KDM4C: variants seen among roughly 807,000 people sequenced by gnomAD.
The protein encoded by KDM4C is lysine-specific demethylase 4C.
KDM4C carries 81 observed loss-of-function variants against 129.3 expected under a neutral mutation model. The ratio of observed to expected loss-of-function variants is 0.63; its 90% CI spans 0.52 to 0.75. KDM4C has a LOEUF of 0.75. Ranked by LOEUF, KDM4C falls within the 30% of genes least tolerant of loss-of-function variation. The pLI is 0.00. For synonymous variants in KDM4C, 573 were observed against 456.1 expected, an observed-to-expected ratio of 1.26 and a Z score of -3.26; for missense variants, 1,457 against 1,304.0, an observed-to-expected ratio of 1.12 and a Z score of -1.81.
chr9:6,789,210 C>G (rs1466916474), intron 1 of KDM4C, among the ~76,000 whole-genome samples: 1 of 135,320 alleles, frequency 7.4e-6, no homozygotes, highest in African/African-American at 2.9e-5. Flanking sequence ...CACCATCACG[C>G]CTGGCTAATT....
At chr9:7,096,430 G>T (rs1357243016) in intron 17 of KDM4C, among the ~76,000 whole-genome samples, 1 of 152,188 alleles carries the variant, frequency 6.6e-6, no homozygotes, top group Non-Finnish European at 1.5e-5. Flanking sequence ...AGGCTGGCTT[G>T]TTTCACCCAC....
intron 17 of KDM4C, among the ~76,000 whole-genome samples, chr9:7,050,313 T>C (rs775858684): frequency 5.9e-5 from 9 of 151,604 alleles, no homozygotes; most frequent in Non-Finnish European, 1.0e-4. Context: ...TAATCTAAGA[T>C]GGAAATGAGT....
chr9:6,812,912 T>A (rs62568861), intron 3 of KDM4C, among the ~76,000 whole-genome samples: 24,046 of 152,158 alleles, frequency 0.16, 2,683 homozygotes, highest in African/African-American at 0.32. Flanking sequence ...GCGGTGGCTC[T>A]CGCCTGTAAA....
At chr9:6,759,545 A>T (rs577290893) in intron 1 of KDM4C, among the ~76,000 whole-genome samples, 1 of 152,294 alleles carries the variant, frequency 6.6e-6, no homozygotes, top group East Asian at 1.9e-4. Flanking sequence ...TTTCAGTGTT[A>T]TGAAAAGTTT....
chr9:6,754,641 G>A (rs1303353573), upstream of KDM4C, among the ~76,000 whole-genome samples: 1 of 151,994 alleles, frequency 6.6e-6, no homozygotes, highest in Non-Finnish European at 1.5e-5. Context: ...TTGGGAGGCT[G>A]AGGCGGGAGG....
intron 18 of KDM4C, among the ~76,000 whole-genome samples, chr9:7,123,051 T>C (rs1839672486): frequency 6.6e-6 from 1 of 152,226 alleles, no homozygotes; most frequent in Non-Finnish European, 1.5e-5. Context: ...TCAGAAATCC[T>C]ATCAAAATAG....
intron 13 of KDM4C, 48 bp from the exon 14 acceptor site, chr9:7,013,740 A>C: frequency 1.9e-6 from 3 of 1,559,844 alleles, no homozygotes; most frequent in Non-Finnish European, 2.6e-6. Flanking sequence ...TAGAATGATG[A>C]GCTCTTTTCC....
intron 12 of KDM4C, 108 bp downstream of exon 12, chr9:6,990,632 AC>A (rs1818578222): frequency 1.5e-6 from 1 of 681,232 alleles, no homozygotes; most frequent in Admixed American, 2.9e-5. Flanking sequence ...AGTAGCAAAT[AC>A]GTACTATTAG....
intron 2 of KDM4C, among the ~76,000 whole-genome samples, chr9:6,796,795 CTT>C (rs1827838398): frequency 6.6e-6 from 1 of 152,166 alleles, no homozygotes; most frequent in South Asian, 2.1e-4. Flanking sequence ...TTTTTGCCAT[CTT>C]TGACGTCAAG....
At chr9:6,979,422 T>G (rs1285287043) in intron 8 of KDM4C, among the ~76,000 whole-genome samples, 1 of 152,144 alleles carries the variant, frequency 6.6e-6, no homozygotes, top group Non-Finnish European at 1.5e-5. Flanking sequence ...AGGAAAATAC[T>G]GAAGTAAATG....
chr9:6,797,363 C>A (rs1188129306), intron 2 of KDM4C, among the ~76,000 whole-genome samples: 1 of 152,190 alleles, frequency 6.6e-6, no homozygotes, highest in Non-Finnish European at 1.5e-5. Context: ...GTAGGTGCAA[C>A]AGTAGTGACT....
intron 12 of KDM4C, among the ~76,000 whole-genome samples, chr9:6,996,541 T>A (rs1166982477): frequency 6.6e-6 from 1 of 152,246 alleles, no homozygotes; most frequent in Non-Finnish European, 1.5e-5. Context: ...TTATTGTGCT[T>A]CCAATCCCCT....
intron 19 of KDM4C, among the ~76,000 whole-genome samples, chr9:7,144,054 T>C (rs1306385719): frequency 6.6e-6 from 1 of 152,214 alleles, no homozygotes; most frequent in East Asian, 1.9e-4. Context: ...TTTGAGGATA[T>C]CCTGAATTAC....
chr9:6,778,963 C>T (rs1279398250), intron 1 of KDM4C, among the ~76,000 whole-genome samples: 2 of 151,380 alleles, frequency 1.3e-5, no homozygotes, highest in Non-Finnish European at 2.9e-5. Context: ...CTCAGGTGAT[C>T]CACCCACCTT....
At chr9:6,989,964 C>G (rs1818432129) in intron 11 of KDM4C, among the ~76,000 whole-genome samples, 1 of 149,470 alleles carries the variant, frequency 6.7e-6, no homozygotes, top group East Asian at 2.0e-4. Flanking sequence ...AAATTATTGA[C>G]ACAGAGTCTC....
chr9:6,877,541 G>T (rs921258398), intron 5 of KDM4C, among the ~76,000 whole-genome samples: 1 of 152,162 alleles, frequency 6.6e-6, no homozygotes, highest in East Asian at 1.9e-4. Flanking sequence ...CCTGCAACTT[G>T]TATTTAGAGA....
intron 15 of KDM4C, among the ~76,000 whole-genome samples, chr9:7,046,207 AG>A (rs1829366182): frequency 6.6e-6 from 1 of 151,934 alleles, no homozygotes; most frequent in South Asian, 2.1e-4. Flanking sequence ...TTACATTCTA[AG>A]CTAAGACACA....
chr9:6,897,145 C>T (rs74886045), intron 8 of KDM4C, among the ~76,000 whole-genome samples: 3,510 of 152,322 alleles, frequency 0.023, 102 homozygotes, highest in East Asian at 0.14. Context: ...TTCAGTCCTT[C>T]AGTCCAGATG....
chr9:6,921,294 C>T (rs936322913), intron 8 of KDM4C, among the ~76,000 whole-genome samples: 1 of 152,178 alleles, frequency 6.6e-6, no homozygotes, highest in Non-Finnish European at 1.5e-5. Flanking sequence ...CCCACAAACT[C>T]CTGCCATGAA....
Sources: gnomAD v4.1 joint callset for allele counts (sites outside exome capture counted in the v4.1 genomes callset) on GRCh38, gnomAD v4.1.1 for gene constraint, MANE v1.5 for transcripts, NCBI Gene and HGNC (gene_info 2026-07-23, HGNC 2026-07-21) for gene names.